DCUN1D3: variants seen among roughly 807,000 people sequenced by gnomAD.
DCUN1D3 encodes the protein defective in cullin neddylation 1 domain containing 3.
DCUN1D3 carries 6 observed loss-of-function variants against 24.8 expected under a neutral mutation model. The observed-to-expected ratio is 0.24, with a 90% CI of 0.13 to 0.48. DCUN1D3 has a LOEUF of 0.48. Ranked by LOEUF, DCUN1D3 falls within the 20% of genes least tolerant of loss-of-function variation. The probability of loss-of-function intolerance (pLI) is 0.99; values close to 1 mark genes in which losing one functional copy is unlikely to be tolerated. For synonymous variants in DCUN1D3, 120 were observed against 144.9 expected, an observed-to-expected ratio of 0.83 and a Z score of 1.24; for missense variants, 258 against 379.4, an observed-to-expected ratio of 0.68 and a Z score of 2.66.
At chr16:20,893,086 A>G (rs1283907753) in intron 1 of DCUN1D3, among the ~76,000 whole-genome samples, 2 of 152,198 alleles carry the variant, frequency 1.3e-5, no homozygotes. Flanking sequence ...AGTGCAACAG[A>G]CAGAACAAGA....
At chr16:20,898,161 C>G (rs1263644391) in intron 1 of DCUN1D3, among the ~76,000 whole-genome samples, 1 of 152,198 alleles carries the variant, frequency 6.6e-6, no homozygotes, top group Non-Finnish European at 1.5e-5. Context: ...ACCAGCTGTT[C>G]CCTGAACCTG....
chr16:20,886,611 C>T (rs17510), intron 1 of DCUN1D3, among the ~76,000 whole-genome samples: 94,838 of 152,022 alleles, frequency 0.62, 30,718 homozygotes, highest in Non-Finnish European at 0.72. Flanking sequence ...TCAACTGGCA[C>T]GATAATGAAG....
chr16:20,881,331 C>T (rs1004788563), intron 1 of DCUN1D3, among the ~76,000 whole-genome samples: 2 of 152,136 alleles, frequency 1.3e-5, no homozygotes, highest in African/African-American at 4.8e-5. Context: ...TGCTTGAGCC[C>T]AGGAATTTGA....
chr16:20,899,127 A>G (rs2081940527), intron 1 of DCUN1D3, among the ~76,000 whole-genome samples: 1 of 152,272 alleles, frequency 6.6e-6, no homozygotes, highest in Non-Finnish European at 1.5e-5. Context: ...GGAGAAAAAC[A>G]TAAAAGAGCT....
At chr16:20,877,964 T>C (rs144353761) in intron 1 of DCUN1D3, among the ~76,000 whole-genome samples, 37 of 152,302 alleles carry the variant, frequency 2.4e-4, no homozygotes, top group Non-Finnish European at 5.3e-4. Context: ...ACCCAGCTAC[T>C]TTTTTCATTT....
intron 1 of DCUN1D3, among the ~76,000 whole-genome samples, chr16:20,884,152 T>C (rs961044918): frequency 1.3e-5 from 2 of 152,230 alleles, no homozygotes; most frequent in African/African-American, 2.4e-5. Context: ...TTTAAATGTG[T>C]GGTCTCGAAT....
At position 20,862,238 on chromosome 16, in the gene DCUN1D3, C is replaced by T; in HGVS notation, c.301G>A (p.Glu101Lys). ...TCCTCCAAAATTGCATCTTCCCGCT[C>T]ATCCTTGTAGCGCCTGAACAGTTCT... is the stretch of plus-strand genomic sequence containing the variant. Reference protein sequence around the residue: ...LEELFRRYKDEREDAILEEGM... With the variant: ...LEELFRRYKDKREDAILEEGM... Residue 101 changes from glutamate to lysine, a missense_variant, in exon 2 of 3, where the codon GAG becomes AAG. Physicochemically the swap from Glu to Lys is moderately conservative, Grantham distance 56 (BLOSUM62 1). Coordinates refer to ENST00000324344, the MANE Select transcript of DCUN1D3 (RefSeq NM_173475.4). 5.6e-6 allele frequency: 9 copies of T among 1,614,254 alleles called. No homozygotes were observed. Among genetic ancestry groups the T allele is most frequent in the Non-Finnish European group, 6.8e-6 (8 of 1,180,044 alleles).
chr16:20,886,898 C>G (rs552063654), intron 1 of DCUN1D3, among the ~76,000 whole-genome samples: 90 of 152,332 alleles, frequency 5.9e-4, no homozygotes, highest in African/African-American at 2.1e-3. Flanking sequence ...CAGTTGAGAT[C>G]TGGAAACTAA....
chr16:20,883,735 G>A (rs2081856042), intron 1 of DCUN1D3, among the ~76,000 whole-genome samples: 1 of 152,052 alleles, frequency 6.6e-6, no homozygotes, highest in Non-Finnish European at 1.5e-5. Flanking sequence ...TTCCAAATGG[G>A]GAAAAGGCAA....
At chr16:20,879,826 T>A (rs9927825) in intron 1 of DCUN1D3, among the ~76,000 whole-genome samples, 2,830 of 152,318 alleles carry the variant, frequency 0.019, 84 homozygotes, top group African/African-American at 0.064. Flanking sequence ...AGGTTATGAC[T>A]CGGTATTGCC....
Position 20,857,250 on chromosome 16 carries a change from C to A in DCUN1D3, c.*2636G>T, listed in dbSNP as rs936136852. The A allele has an allele frequency of 6.6e-6, 1 of 152,210 alleles. No individual in the cohort carries two copies. The highest frequency in any genetic ancestry group is 1.5e-5 in the Non-Finnish European group (1 of 68,038). 9.4% of individuals were successfully genotyped at this position (152,210 alleles called of 1,614,324 possible). ...GAACTTGTAAGTCCCTCCCTGACTG[C>A]TCCCTTTTCTGGCTTCTCATTTGCA... is the stretch of plus-strand genomic sequence containing the variant. On this transcript the variant is annotated 3_prime_UTR_variant, in exon 3 of 3. Coordinates refer to ENST00000324344, the MANE Select transcript of DCUN1D3 (RefSeq NM_173475.4).
In DCUN1D3 at chr16:20,862,267, A is replaced by C. The variant is rs2081737319; in HGVS notation, c.272T>G (p.Leu91Trp). The change falls in exon 2 of 3, where the codon TTG becomes TGG. Residue 91 changes from leucine (L) to tryptophan (W), a missense_variant. By Grantham distance (61) the Leu-to-Trp change is moderately conservative (BLOSUM62 -2). Coordinates refer to ENST00000324344, the MANE Select transcript of DCUN1D3 (RefSeq NM_173475.4). ...SNAEESSLQRLEELFRRYKDE... is the reference protein window; with the variant it reads ...SNAEESSLQRWEELFRRYKDE... ...CTTGTAGCGCCTGAACAGTTCTTCC[A>C]ATCTTTGCAAGGAAGACTCCTCGGC... 1 of 1,614,082 alleles carries C rather than the reference A, an allele frequency of 6.2e-7. No homozygotes were observed. The highest frequency in any genetic ancestry group is 1.7e-5 in the Admixed American group (1 of 60,012).
chr16:20,866,274 G>C (rs988929918), intron 1 of DCUN1D3, among the ~76,000 whole-genome samples: 2 of 152,148 alleles, frequency 1.3e-5, no homozygotes, highest in Non-Finnish European at 2.9e-5. Context: ...AGAAACAAAA[G>C]GCCCAAACTT....
At chr16:20,879,671 G>T (rs1377814742) in intron 1 of DCUN1D3, among the ~76,000 whole-genome samples, 1 of 152,094 alleles carries the variant, frequency 6.6e-6, no homozygotes, top group Admixed American at 6.5e-5. Flanking sequence ...AACTAGATGA[G>T]AACAACAAAA....
At position 20,858,958 on chromosome 16, in the gene DCUN1D3, GAAAC is replaced by G. The variant is rs527457668; in HGVS notation, c.*924_*927del. 10 of 144,790 alleles carry G rather than the reference GAAAC, an allele frequency of 6.9e-5. No homozygotes were observed. The highest frequency in any genetic ancestry group is 1.8e-4 in the African/African-American group (7 of 38,796). The allele number at this position is 144,790 out of a possible 1,614,324, so 9.0% of individuals were successfully genotyped here. Reference sequence around the variant, plus strand: ...CAGAAACTTTGGCTCCAAGGCAAATGAAACAAACAAACAAAAAAAAGTATTTCCA... The same window carrying G: ...CAGAAACTTTGGCTCCAAGGCAAATGAAACAAACAAAAAAAAGTATTTCCA... On this transcript the variant is annotated 3_prime_UTR_variant, in exon 3 of 3. Coordinates refer to ENST00000324344, the MANE Select transcript of DCUN1D3 (RefSeq NM_173475.4).
rs139166530 is a variant in DCUN1D3 at position 20,898,858 on chromosome 16, G to A, written c.-106+1346C>T. ...AAGGAAAATCATAACACTTCACTCT[G>A]ATATCTGTCTGAGAGGCTAGAAGAG... On this transcript the variant is annotated intron_variant, in intron 1 of 2. Coordinates refer to ENST00000324344, the MANE Select transcript of DCUN1D3 (RefSeq NM_173475.4). Among the ~76,000 whole-genome samples the A allele has an allele frequency of 4.7e-5, 7 of 147,804 alleles. No individual in the cohort carries two copies. The East Asian group carries it at 1.4e-3, about 29-fold the overall frequency.
At chr16:20,863,156 C>T (rs908102370) in intron 1 of DCUN1D3, among the ~76,000 whole-genome samples, 5 of 152,186 alleles carry the variant, frequency 3.3e-5, no homozygotes, top group African/African-American at 9.7e-5. Context: ...AGACTACAAG[C>T]AGGGGCCTAA....
At chr16:20,888,019 T>C (rs1467371219) in intron 1 of DCUN1D3, among the ~76,000 whole-genome samples, 1 of 152,220 alleles carries the variant, frequency 6.6e-6, no homozygotes, top group African/African-American at 2.4e-5. Flanking sequence ...CACTAGTGTA[T>C]TTCCCAGATA....
intron 1 of DCUN1D3, among the ~76,000 whole-genome samples, chr16:20,885,891 G>T (rs892952123): frequency 2.6e-5 from 4 of 152,092 alleles, no homozygotes; most frequent in African/African-American, 9.7e-5. Flanking sequence ...CACTGGCTTG[G>T]GTTCAAGAAG....
Sources: gnomAD v4.1 joint callset for allele counts (sites outside exome capture counted in the v4.1 genomes callset) on GRCh38, gnomAD v4.1.1 for gene constraint, MANE v1.5 for transcripts, NCBI Gene and HGNC (gene_info 2026-07-23, HGNC 2026-07-21) for gene names.